KIRREL3: variants seen among roughly 807,000 people sequenced by gnomAD.
KIRREL3 encodes the protein kin of IRRE-like protein 3.
KIRREL3 carries 36 observed loss-of-function variants against 89.7 expected under a neutral mutation model. The ratio of observed to expected loss-of-function variants is 0.40; its 90% CI spans 0.31 to 0.53. The LOEUF (loss-of-function observed/expected upper bound fraction) is 0.53, where lower values mean the gene tolerates loss of function less well. Among genes scored for constraint, KIRREL3 ranks in the 20% least tolerant of loss-of-function variants. The pLI is 0.49. For synonymous variants in KIRREL3, 445 were observed against 441.4 expected, an observed-to-expected ratio of 1.01 and a Z score of -0.10; for missense variants, 864 against 1,056.6, an observed-to-expected ratio of 0.82 and a Z score of 2.53.
chr11:126,624,798 A>G lies in KIRREL3; in HGVS notation c.56-61886T>C, dbSNP rs187505508. ...ACCTCCAGATGCTTGACTTGAGGCCAACTACGGAGGGCAGAGCTGATGGAA... is the reference window on the plus strand; with the variant it reads ...ACCTCCAGATGCTTGACTTGAGGCCGACTACGGAGGGCAGAGCTGATGGAA... On this transcript the variant is annotated intron_variant, in intron 1 of 16. Coordinates refer to ENST00000525144, the MANE Select transcript of KIRREL3 (RefSeq NM_032531.4). This position sits in a 1 kb window ranked among gnomAD's most constrained non-coding sequence, Gnocchi z 6.0. 3.9e-5 allele frequency among the ~76,000 whole-genome samples: 6 copies of G among 152,320 alleles called. No homozygotes were observed. The East Asian group carries it at 1.2e-3, about 29-fold the overall frequency.
At chr11:126,741,917 G>A (rs763482482) in intron 1 of KIRREL3, among the ~76,000 whole-genome samples, 1 of 152,226 alleles carries the variant, frequency 6.6e-6, no homozygotes, top group Non-Finnish European at 1.5e-5. Context: ...GAGGGGGAGA[G>A]TGAGACTACC....
rs1957458797 is a variant in KIRREL3 at position 126,489,729 on chromosome 11, G to T, written c.434-16263C>A. Among the ~76,000 whole-genome samples, 1 of 152,102 alleles carries T rather than the reference G, an allele frequency of 6.6e-6. No individual in the cohort carries two copies. Among genetic ancestry groups the T allele is most frequent in the African/African-American group, 2.4e-5 (1 of 41,412 alleles). On this transcript the variant is annotated intron_variant, in intron 4 of 16. Coordinates refer to ENST00000525144, the MANE Select transcript of KIRREL3 (RefSeq NM_032531.4). The surrounding 1 kb of genome is among the most constrained non-coding windows in gnomAD (Gnocchi z 5.5). Reference sequence around the variant, plus strand: ...CTCAGGGGCCCATCAGCTAGGCCTAGCAGCCCTTGGATCCTTAATCACCTC... The same window carrying T: ...CTCAGGGGCCCATCAGCTAGGCCTATCAGCCCTTGGATCCTTAATCACCTC...
intron 1 of KIRREL3, among the ~76,000 whole-genome samples, chr11:126,617,384 C>G (rs932611731): frequency 6.6e-6 from 1 of 152,206 alleles, no homozygotes; most frequent in African/African-American, 2.4e-5. Flanking sequence ...GGGGCTGTAT[C>G]TAGGTCATGG....
rs1947497644 is a variant in KIRREL3, at chr11:126,705,582, T to G, written c.56-142670A>C. The stretch of plus-strand genomic sequence containing the variant: ...ACAGCCTGCAGAACTGTGAGCCAAT[T>G]AAACCTCTTTTCTTTATAAATTATC... On this transcript the variant is annotated intron_variant, in intron 1 of 16. Coordinates refer to ENST00000525144, the MANE Select transcript of KIRREL3 (RefSeq NM_032531.4). This position sits in a 1 kb window ranked among gnomAD's most constrained non-coding sequence, Gnocchi z 4.3. Among the ~76,000 whole-genome samples the G allele has an allele frequency of 6.6e-6, 1 of 152,214 alleles. No individual in the cohort carries two copies. Among genetic ancestry groups the G allele is most frequent in the African/African-American group, 2.4e-5 (1 of 41,452 alleles).
In KIRREL3 at chr11:126,425,866, C is replaced by G. The variant is rs144696998; in HGVS notation, c.1807-142G>C. 2.5e-3 allele frequency: 1,586 copies of G among 642,424 alleles called. 3 individuals are homozygous for G. The highest frequency in any genetic ancestry group is 5.3e-3 in the Middle Eastern group (13 of 2,432). 39.8% of individuals were successfully genotyped at this position (642,424 alleles called of 1,614,324 possible). ...CACTGCCTGGACCATGTGAAAGAGT[C>G]AAGATGAGTTCCTGGAGCCCCATCC... On this transcript the variant is annotated intron_variant, in intron 15 of 16. Coordinates refer to ENST00000525144, the MANE Select transcript of KIRREL3 (RefSeq NM_032531.4).
chr11:126,678,925 T>G (rs999405691), intron 1 of KIRREL3, among the ~76,000 whole-genome samples: 2 of 152,204 alleles, frequency 1.3e-5, no homozygotes, highest in Non-Finnish European at 2.9e-5. Context: ...ATGTAGCTAC[T>G]CAAAAGCCGC....
Position 126,508,617 on chromosome 11 carries a change from G to C in KIRREL3, c.433+12698C>G, listed in dbSNP as rs1958102724. The stretch of plus-strand genomic sequence containing the variant: ...TTTCATAGTGATGATTTTAGGGGGA[G>C]TCAGGCAGCAGAGAGAGTGGAGTTT... On this transcript the variant is annotated intron_variant, in intron 4 of 16. Transcript: ENST00000525144. This position sits in a 1 kb window ranked among gnomAD's most constrained non-coding sequence, Gnocchi z 4.9. Among the ~76,000 whole-genome samples, 1 of 152,192 alleles carries C rather than the reference G, an allele frequency of 6.6e-6. No homozygotes were observed. The highest frequency in any genetic ancestry group is 2.4e-5 in the African/African-American group (1 of 41,438).
chr11:126,501,758 C>T lies in KIRREL3; in HGVS notation c.433+19557G>A, dbSNP rs865979018. 1.6e-3 allele frequency among the ~76,000 whole-genome samples: 247 copies of T among 152,344 alleles called. 1 individual carries two copies. Among genetic ancestry groups the T allele is most frequent in the African/African-American group, 5.6e-3 (232 of 41,580 alleles). ...GGCCCTGGGCACTGCTTGCCTCTGC[C>T]TGCCTTTGCCTCCTTTTCCCGCTTC... On this transcript the variant is annotated intron_variant, in intron 4 of 16. Coordinates refer to ENST00000525144, the MANE Select transcript of KIRREL3 (RefSeq NM_032531.4). The surrounding 1 kb of genome is among the most constrained non-coding windows in gnomAD (Gnocchi z 5.8).
chr11:126,604,733 A>G (rs557636351), intron 1 of KIRREL3, among the ~76,000 whole-genome samples: 2 of 152,334 alleles, frequency 1.3e-5, no homozygotes, highest in South Asian at 2.1e-4. Context: ...CTTCTAAACA[A>G]GCGTGTCTGA....
At chr11:126,941,576 C>T (rs1269259052) in intron 1 of KIRREL3, among the ~76,000 whole-genome samples, 3 of 152,198 alleles carry the variant, frequency 2.0e-5, no homozygotes, top group African/African-American at 7.2e-5. Context: ...AATGGGTATA[C>T]TCAGGTGAAT....
At position 126,778,540 on chromosome 11, in the gene KIRREL3, T is replaced by C. The variant is rs1472538999; in HGVS notation, c.56-215628A>G. 6.6e-6 allele frequency among the ~76,000 whole-genome samples: 1 copy of C among 152,242 alleles called. No homozygotes were observed. The highest frequency in any genetic ancestry group is 1.9e-4 in the East Asian group (1 of 5,202). The stretch of plus-strand genomic sequence containing the variant: ...TTTTATGTTTTTGCTATAACAACAA[T>C]GCTGCGGTAAATACCCTTTTACTGA... On this transcript the variant is annotated intron_variant, in intron 1 of 16. Transcript: ENST00000525144. This position sits in a 1 kb window ranked among gnomAD's most constrained non-coding sequence, Gnocchi z 4.5.
At chr11:126,552,683 C>A (rs969345465) in intron 2 of KIRREL3, among the ~76,000 whole-genome samples, 1 of 149,606 alleles carries the variant, frequency 6.7e-6, no homozygotes, top group African/African-American at 2.5e-5. Context: ...GCCTCAGCCT[C>A]CTGAGTAGCT....
chr11:126,631,770 A>G (rs1315140796), intron 1 of KIRREL3, among the ~76,000 whole-genome samples: 1 of 152,212 alleles, frequency 6.6e-6, no homozygotes, highest in Non-Finnish European at 1.5e-5. Context: ...CAATCTCACA[A>G]AAGGCAGAAA....
rs980204095 is a variant in KIRREL3, at chr11:126,492,034, C to A, written c.434-18568G>T. 6.6e-6 allele frequency among the ~76,000 whole-genome samples: 1 copy of A among 152,122 alleles called. No individual in the cohort carries two copies. Among genetic ancestry groups the A allele is most frequent in the East Asian group, 1.9e-4 (1 of 5,186 alleles). On this transcript the variant is annotated intron_variant, in intron 4 of 16. Coordinates refer to ENST00000525144, the MANE Select transcript of KIRREL3 (RefSeq NM_032531.4). The surrounding 1 kb of genome is among the most constrained non-coding windows in gnomAD (Gnocchi z 4.8). Reference sequence around the variant, plus strand: ...AGTATTGATAGAGGGATTTCAGAATCTGGACTTTTATTGTCTCACTTCCCT... The same window carrying A: ...AGTATTGATAGAGGGATTTCAGAATATGGACTTTTATTGTCTCACTTCCCT...
intron 1 of KIRREL3, among the ~76,000 whole-genome samples, chr11:126,617,455 A>G (rs531202238): frequency 1.7e-4 from 26 of 152,386 alleles, no homozygotes; most frequent in African/African-American, 6.0e-4. Context: ...TTTGGTTTTC[A>G]AAGTTTATAC....
rs1955520079 is a variant in KIRREL3, at chr11:126,440,489, A to AGGGCG, written c.1312_1313insCGCCC (p.Ile438ThrfsTer48). On this transcript the variant is annotated frameshift_variant, in exon 11 of 17. Coordinates refer to ENST00000525144, the MANE Select transcript of KIRREL3 (RefSeq NM_032531.4). LOFTEE classifies it high-confidence loss of function. The stretch of plus-strand genomic sequence containing the variant: ...CGGCGTGCTCCGGATGAAGCACTTG[A>AGGGCG]TCTGGCCCTTCTCGCCGTGGAGGGC... 1 of 1,600,372 alleles carries AGGGCG rather than the reference A, an allele frequency of 6.2e-7. No homozygotes were observed. The highest frequency in any genetic ancestry group is 8.5e-7 in the Non-Finnish European group (1 of 1,174,088).
intron 6 of KIRREL3, among the ~76,000 whole-genome samples, chr11:126,457,185 A>ATG (rs35883463): frequency 0.12 from 17,118 of 142,760 alleles, 2,222 homozygotes; most frequent in African/African-American, 0.33. Context: ...AAGAGAGATT[A>ATG]TGTGTGTGTG....
intron 1 of KIRREL3, among the ~76,000 whole-genome samples, chr11:126,770,213 G>A (rs1486203253): frequency 2.6e-5 from 4 of 152,180 alleles, no homozygotes; most frequent in Admixed American, 2.6e-4. Flanking sequence ...TGCTTCTTCA[G>A]TTACAAGCAG....
Position 126,807,993 on chromosome 11 carries a change from TGTG to T in KIRREL3, c.55+192459_55+192461del, listed in dbSNP as rs1300521054. ...GTGTTATTTTTCCCAAATGCACATT[TGTG>T]TGAGGCTCAGCACTGGATAAATGGG... On this transcript the variant is annotated intron_variant, in intron 1 of 16. Coordinates refer to ENST00000525144, the MANE Select transcript of KIRREL3 (RefSeq NM_032531.4). The surrounding 1 kb of genome is among the most constrained non-coding windows in gnomAD (Gnocchi z 4.3). 1.4e-4 allele frequency among the ~76,000 whole-genome samples: 22 copies of T among 152,252 alleles called. No individual in the cohort carries two copies. The highest frequency in any genetic ancestry group is 2.4e-4 in the Non-Finnish European group (16 of 68,044).
Sources: allele counts gnomAD v4.1 joint callset (sites outside exome capture counted in the v4.1 genomes callset), GRCh38; gene constraint gnomAD v4.1.1; non-coding constraint Gnocchi (gnomAD v3.1); transcripts MANE v1.5; gene names NCBI Gene and HGNC (gene_info 2026-07-23, HGNC 2026-07-21).